PTPRG: variants seen among roughly 807,000 people sequenced by gnomAD.
PTPRG encodes protein tyrosine phosphatase receptor type G, also known as receptor-type tyrosine-protein phosphatase gamma.
A neutral mutation model predicts 165.3 loss-of-function variants in PTPRG; 102 were observed. That is an observed-to-expected ratio of 0.62 (90% CI 0.53 to 0.73). The LOEUF (loss-of-function observed/expected upper bound fraction) is 0.73. Ranked by LOEUF, PTPRG falls within the 30% of genes least tolerant of loss-of-function variation. The pLI is 0.00. For synonymous variants in PTPRG, 675 were observed against 669.5 expected (o/e 1.01, Z -0.13); for missense variants, 1,866 against 1,861.4 (o/e 1.00, Z -0.05).
intron 28 of PTPRG, among the ~76,000 whole-genome samples, chr3:62,287,349 GAACCAAA>G (rs1702703550): frequency 6.6e-6 from 1 of 151,846 alleles, no homozygotes; most frequent in Non-Finnish European, 1.5e-5. Flanking sequence ...TGCTGAACAA[GAACCAAA>G]AACCACAATA....
intron 4 of PTPRG, among the ~76,000 whole-genome samples, chr3:62,036,969 G>A (rs550102416): frequency 2.6e-5 from 3 of 117,054 alleles, no homozygotes; most frequent in Admixed American, 2.0e-4. Flanking sequence ...AGTGCTGCAC[G>A]TGCGCGCGCG....
At position 61,981,043 on chromosome 3, in the gene PTPRG, A is replaced by G. The variant is rs181880018; in HGVS notation, c.191-8582A>G. Among the ~76,000 whole-genome samples the G allele has an allele frequency of 5.6e-3, 855 of 152,348 alleles. 11 individuals are homozygous for G. Among genetic ancestry groups the G allele is most frequent in the Non-Finnish European group, 8.0e-3 (546 of 68,038 alleles). On this transcript the variant is annotated intron_variant, in intron 2 of 29. Coordinates refer to ENST00000474889, the MANE Select transcript of PTPRG (RefSeq NM_002841.4). ...GGTAATTTATAAAGAAAAGAGGTTC[A>G]ATTGACTCATAGTTCCACATGGCTG...
intron 2 of PTPRG, among the ~76,000 whole-genome samples, chr3:61,864,046 C>T (rs555982736): frequency 1.6e-4 from 25 of 152,274 alleles, no homozygotes; most frequent in South Asian, 6.2e-4. Context: ...GGGAATTTTA[C>T]GCAAGTCACT....
chr3:62,282,532 C>CT (rs1467146854), intron 27 of PTPRG, among the ~76,000 whole-genome samples, 195 bp from the exon 28 acceptor site: 1 of 146,258 alleles, frequency 6.8e-6, no homozygotes, highest in Non-Finnish European at 1.5e-5. Flanking sequence ...CCTAGCCATG[C>CT]TTTTTTTAAA....
intron 1 of PTPRG, among the ~76,000 whole-genome samples, chr3:61,610,720 T>C (rs1450151471): frequency 6.6e-6 from 1 of 152,062 alleles, no homozygotes; most frequent in African/African-American, 2.4e-5. Flanking sequence ...TGAGTATTAC[T>C]TATTCTCTCA....
intron 1 of PTPRG, among the ~76,000 whole-genome samples, chr3:61,677,919 G>A (rs1187022161): frequency 6.6e-6 from 1 of 152,150 alleles, no homozygotes; most frequent in Non-Finnish European, 1.5e-5. Flanking sequence ...GGTAGCTTGT[G>A]TACACCCCTT....
chr3:61,990,425 C>A (rs1233772656), intron 3 of PTPRG, among the ~76,000 whole-genome samples: 1 of 152,196 alleles, frequency 6.6e-6, no homozygotes, highest in African/African-American at 2.4e-5. Context: ...GTGTATCAGA[C>A]CAGCAATTCA....
intron 4 of PTPRG, among the ~76,000 whole-genome samples, chr3:62,062,588 T>A (rs1489624757): frequency 6.6e-6 from 1 of 152,224 alleles, no homozygotes; most frequent in African/African-American, 2.4e-5. Context: ...GACATCTATT[T>A]TTTGAAAAGA....
At chr3:61,571,406 T>C (rs891653417) in intron 1 of PTPRG, among the ~76,000 whole-genome samples, 1 of 152,226 alleles carries the variant, frequency 6.6e-6, no homozygotes, top group African/African-American at 2.4e-5. Flanking sequence ...TTGAAAGATC[T>C]AGCTTTTTAT....
At chr3:61,913,220 CTTT>C (rs1277428399) in intron 2 of PTPRG, among the ~76,000 whole-genome samples, 1 of 152,098 alleles carries the variant, frequency 6.6e-6, no homozygotes, top group Non-Finnish European at 1.5e-5. Flanking sequence ...ACAACGTTTT[CTTT>C]TTTATTTTTT....
At chr3:62,030,044 G>T (rs893675518) in intron 4 of PTPRG, among the ~76,000 whole-genome samples, 1 of 152,120 alleles carries the variant, frequency 6.6e-6, no homozygotes, top group African/African-American at 2.4e-5. Context: ...TTTGCAATTT[G>T]CCTCTATCAT....
At chr3:61,737,321 A>G (rs1349118492) in intron 1 of PTPRG, among the ~76,000 whole-genome samples, 2 of 152,126 alleles carry the variant, frequency 1.3e-5, no homozygotes, top group African/African-American at 4.8e-5. Context: ...TGCCTTCCTC[A>G]TGGACTGGAA....
At chr3:62,116,317 C>T (rs1366258233) in intron 5 of PTPRG, among the ~76,000 whole-genome samples, 1 of 152,142 alleles carries the variant, frequency 6.6e-6, no homozygotes, top group African/African-American at 2.4e-5. Flanking sequence ...GCCTCCTTTC[C>T]TGAAATGTTA....
chr3:61,585,293 A>AG, intron 1 of PTPRG, among the ~76,000 whole-genome samples: 1 of 149,062 alleles, frequency 6.7e-6, no homozygotes. Context: ...AAAAAAAAAA[A>AG]AAAAAGAAAA....
At chr3:62,055,771 T>C (rs1368367617) in intron 4 of PTPRG, among the ~76,000 whole-genome samples, 1 of 152,210 alleles carries the variant, frequency 6.6e-6, no homozygotes, top group Non-Finnish European at 1.5e-5. Context: ...CCTTCATCTT[T>C]GTGTGGCATT....
intron 12 of PTPRG, 115 bp downstream of exon 12, chr3:62,204,065 C>T: frequency 7.0e-7 from 1 of 1,428,154 alleles, no homozygotes. Flanking sequence ...TTCTTAGAAT[C>T]ATATATGTCT....
In PTPRG at chr3:61,961,128, C is replaced by T. The variant is rs185452828; in HGVS notation, c.191-28497C>T. Among the ~76,000 whole-genome samples, 739 of 152,252 alleles carry T rather than the reference C, an allele frequency of 4.9e-3. 2 individuals are homozygous for T. Among genetic ancestry groups the T allele is most frequent in the Middle Eastern group, 6.8e-3 (2 of 294 alleles). Reference sequence around the variant, plus strand: ...ATCATTCCCATTATCATCATTATCTCCATCTCTCCAGTAGGACCTTCAGAA... The same window carrying T: ...ATCATTCCCATTATCATCATTATCTTCATCTCTCCAGTAGGACCTTCAGAA... On this transcript the variant is annotated intron_variant, in intron 2 of 29. Transcript: ENST00000474889.
At chr3:62,092,439 G>GGAAA (rs369183881) in intron 5 of PTPRG, among the ~76,000 whole-genome samples, 4 of 89,436 alleles carry the variant, frequency 4.5e-5, no homozygotes, top group South Asian at 3.9e-4. Flanking sequence ...GAGTCCATCT[G>GGAAA]AAAAAAAAAA....
At chr3:61,812,127 C>G (rs1272119443) in intron 2 of PTPRG, among the ~76,000 whole-genome samples, 1 of 152,108 alleles carries the variant, frequency 6.6e-6, no homozygotes, top group Non-Finnish European at 1.5e-5. Flanking sequence ...TGAAGAGATG[C>G]TTGTACCCCA....
Sources: gnomAD v4.1 joint callset for allele counts (sites outside exome capture counted in the v4.1 genomes callset) on GRCh38, gnomAD v4.1.1 for gene constraint, MANE v1.5 for transcripts, NCBI Gene and HGNC (gene_info 2026-07-23, HGNC 2026-07-21) for gene names.